RPN2: variants seen among roughly 807,000 people sequenced by gnomAD.
RPN2 encodes the protein ribophorin II, also known as dolichyl-diphosphooligosaccharide--protein glycosyltransferase subunit 2.
A neutral mutation model predicts 71.4 loss-of-function variants in RPN2; 29 were observed. That is an observed-to-expected ratio of 0.41 (90% CI 0.30 to 0.55). RPN2 has a LOEUF of 0.55. RPN2 is among the 20% of genes least tolerant of loss of function. The probability of loss-of-function intolerance (pLI) is 0.35; values close to 1 mark genes in which losing one functional copy is unlikely to be tolerated. For missense variants in RPN2, 726 were observed against 774.1 expected, an observed-to-expected ratio of 0.94 and a Z score of 0.74; for synonymous variants, 308 against 305.0, an observed-to-expected ratio of 1.01 and a Z score of -0.10.
chr20:37,222,881 C>T (rs182707122), intron 9 of RPN2, among the ~76,000 whole-genome samples: 1 of 152,310 alleles, frequency 6.6e-6, no homozygotes, highest in East Asian at 1.9e-4. Context: ...GCATTAGCCC[C>T]TCTTTGTGAA....
chr20:37,222,393 T>C (rs1224903359), intron 9 of RPN2, among the ~76,000 whole-genome samples: 1 of 77,276 alleles, frequency 1.3e-5, no homozygotes, highest in East Asian at 2.4e-4. Flanking sequence ...AATAAACCTT[T>C]ACAGTTTTTT....
intron 16 of RPN2, among the ~76,000 whole-genome samples, chr20:37,240,304 C>T (rs1450539637): frequency 1.3e-5 from 2 of 152,296 alleles, no homozygotes; most frequent in South Asian, 4.1e-4. Context: ...CATACTCATG[C>T]CATCCTTTCT....
At chr20:37,203,183 C>T (rs1177156550) in intron 4 of RPN2, among the ~76,000 whole-genome samples, 1 of 152,056 alleles carries the variant, frequency 6.6e-6, no homozygotes, top group African/African-American at 2.4e-5. Flanking sequence ...CCTCGGCCTC[C>T]CAAAGTATTG....
intron 7 of RPN2, among the ~76,000 whole-genome samples, chr20:37,208,874 G>T (rs1008927912): frequency 1.3e-5 from 2 of 152,122 alleles, no homozygotes; most frequent in Non-Finnish European, 1.5e-5. Context: ...GTTCTACTTT[G>T]GTGGCCCCTG....
At chr20:37,201,362 A>G in intron 4 of RPN2, among the ~76,000 whole-genome samples, 1 of 144,902 alleles carries the variant, frequency 6.9e-6, no homozygotes. Context: ...AAAGCTCACT[A>G]CAACCTCAAA....
chr20:37,210,115 T>G lies in RPN2; in HGVS notation c.936T>G (p.Ser312=). ...QATVKLEHAK[S]VASRATVLQK... Reference sequence around the variant, plus strand: ...CTGTTAAACTAGAACATGCTAAATCTGTTGCTTCCAGAGCCACTGTCCTCC... The same window carrying G: ...CTGTTAAACTAGAACATGCTAAATCGGTTGCTTCCAGAGCCACTGTCCTCC... Residue 312 remains serine, a synonymous_variant, in exon 8 of 17, where the codon TCT becomes TCG. Coordinates refer to ENST00000237530, the MANE Select transcript of RPN2 (RefSeq NM_002951.5). The G allele has an allele frequency of 6.2e-7, 1 of 1,614,192 alleles. No homozygotes were observed. Among genetic ancestry groups the G allele is most frequent in the Non-Finnish European group, 8.5e-7 (1 of 1,180,028 alleles).
At chr20:37,221,522 A>G (rs530330835) in intron 9 of RPN2, among the ~76,000 whole-genome samples, 40 of 152,262 alleles carry the variant, frequency 2.6e-4, no homozygotes, top group African/African-American at 8.4e-4. Context: ...TAATTGCTCC[A>G]TAGTAATTAA....
At chr20:37,232,495 G>C in intron 14 of RPN2, 104 bp downstream of exon 14, 1 of 1,367,792 alleles carries the variant, frequency 7.3e-7, no homozygotes, top group Non-Finnish European at 1.0e-6. Flanking sequence ...TAAAGCTCCA[G>C]AGGGGTCCAG....
intron 9 of RPN2, 43 bp downstream of exon 9, chr20:37,213,908 C>A (rs759306923): frequency 5.0e-6 from 7 of 1,408,092 alleles, no homozygotes; most frequent in Non-Finnish European, 7.1e-6. Flanking sequence ...TTAGTATATC[C>A]AAGGATATGG....
intron 10 of RPN2, among the ~76,000 whole-genome samples, chr20:37,225,326 G>T (rs928158476): frequency 6.6e-6 from 1 of 152,028 alleles, no homozygotes; most frequent in Admixed American, 6.6e-5. Context: ...ATTTCTCCTT[G>T]CGGTTCTGCC....
intron 7 of RPN2, among the ~76,000 whole-genome samples, chr20:37,209,202 A>G (rs1023481336): frequency 1.3e-5 from 2 of 152,252 alleles, no homozygotes; most frequent in African/African-American, 2.4e-5. Context: ...AATGTATGTA[A>G]AGGGCCTAGC....
At chr20:37,195,546 C>G (rs1396153233) in intron 2 of RPN2, among the ~76,000 whole-genome samples, 2 of 152,166 alleles carry the variant, frequency 1.3e-5, no homozygotes, top group Non-Finnish European at 2.9e-5. Context: ...TACCTGTAAA[C>G]TTAAGGTGAT....
intron 2 of RPN2, among the ~76,000 whole-genome samples, chr20:37,192,297 A>G (rs976036442): frequency 3.3e-5 from 5 of 152,216 alleles, no homozygotes; most frequent in Non-Finnish European, 1.5e-5. Flanking sequence ...TTCACGCAGT[A>G]ATCATTTATG....
intron 15 of RPN2, among the ~76,000 whole-genome samples, chr20:37,236,325 A>G (rs1326182048): frequency 6.6e-6 from 1 of 151,820 alleles, no homozygotes; most frequent in Non-Finnish European, 1.5e-5. Context: ...ACTCCTGAGC[A>G]ATCCTCCTGC....
At chr20:37,191,766 TATC>T (rs1187859082) in intron 2 of RPN2, among the ~76,000 whole-genome samples, 2 of 151,966 alleles carry the variant, frequency 1.3e-5, no homozygotes, top group Non-Finnish European at 1.5e-5. Context: ...ATTTTACAGA[TATC>T]ATTATTTAGC....
In RPN2 at chr20:37,199,100, G is replaced by A. The variant is rs553035371; in HGVS notation, c.354G>A (p.Glu118=). Residue 118 remains glutamate (E), a synonymous_variant, in exon 4 of 17, where the codon GAG becomes GAA. Transcript: ENST00000237530. ...TKDLLLAAVS[E]DSSVTQIYHA... ...ATCTGCTTCTGGCAGCTGTCAGTGA[G>A]GACTCATCTGTTACCCAGATCTACC... is the stretch of plus-strand genomic sequence containing the variant. 12 of 1,613,720 alleles carry A rather than the reference G, an allele frequency of 7.4e-6. 1 individual carries two copies. The South Asian group carries it at 1.1e-4, about 15-fold the overall frequency.
At chr20:37,232,021 G>A (rs934645957) in intron 13 of RPN2, among the ~76,000 whole-genome samples, 1 of 152,102 alleles carries the variant, frequency 6.6e-6, no homozygotes, top group South Asian at 2.1e-4. Flanking sequence ...GCATTCTCTG[G>A]CCTCTGAATG....
At chr20:37,214,167 T>C (rs1363376476) in intron 9 of RPN2, among the ~76,000 whole-genome samples, 1 of 152,212 alleles carries the variant, frequency 6.6e-6, no homozygotes, top group Non-Finnish European at 1.5e-5. Context: ...CACCCATAAT[T>C]CCACTGAGCC....
chr20:37,239,876 A>G (rs939510389), intron 16 of RPN2, among the ~76,000 whole-genome samples: 4 of 152,102 alleles, frequency 2.6e-5, no homozygotes, highest in Non-Finnish European at 5.9e-5. Context: ...TTGCTGCTAC[A>G]TGTTGAGTTC....
Sources: allele counts gnomAD v4.1 joint callset (sites outside exome capture counted in the v4.1 genomes callset), GRCh38; gene constraint gnomAD v4.1.1; transcripts MANE v1.5; gene names NCBI Gene and HGNC (gene_info 2026-07-23, HGNC 2026-07-21).